SLC24A2: variants seen among roughly 807,000 people sequenced by gnomAD.
SLC24A2 encodes sodium/potassium/calcium exchanger 2.
A neutral mutation model predicts 62.0 loss-of-function variants in SLC24A2; 36 were observed. The observed-to-expected ratio is 0.58, with a 90% CI of 0.44 to 0.77. The LOEUF is 0.77. Ranked by LOEUF, SLC24A2 falls within the 30% of genes least tolerant of loss-of-function variation. The probability of loss-of-function intolerance (pLI) is 0.00; values close to 1 mark genes in which losing one functional copy is unlikely to be tolerated. For missense variants in SLC24A2, 846 were observed against 817.9 expected, an observed-to-expected ratio of 1.03 and a Z score of -0.42; for synonymous variants, 358 against 294.0, an observed-to-expected ratio of 1.22 and a Z score of -2.23.
chr9:20,144,282 A>T, the SLC24A2 span, among the ~76,000 whole-genome samples: 1 of 152,126 alleles, frequency 6.6e-6, no homozygotes, highest in African/African-American at 2.4e-5. Flanking sequence ...CTGTACAATA[A>T]TTTTTTTATG....
intron 2 of SLC24A2, among the ~76,000 whole-genome samples, chr9:19,714,331 C>A (rs1415887663): frequency 6.6e-6 from 1 of 152,140 alleles, no homozygotes; most frequent in African/African-American, 2.4e-5. Context: ...ACTCGCAGAA[C>A]CATAAAGGCA....
intron 2 of SLC24A2, among the ~76,000 whole-genome samples, chr9:19,698,854 T>C (rs1382394154): frequency 6.6e-6 from 1 of 152,196 alleles, no homozygotes; most frequent in East Asian, 1.9e-4. Context: ...TCTAGCACTT[T>C]GCTCACAAAG....
chr9:20,189,724 T>C, the SLC24A2 span, among the ~76,000 whole-genome samples: 1,299 of 152,328 alleles, frequency 8.5e-3, 9 homozygotes, highest in Middle Eastern at 0.024. Flanking sequence ...GCAGTTTCCT[T>C]GGTGTCCACA....
chr9:19,721,725 C>A (rs1821030349), intron 2 of SLC24A2, among the ~76,000 whole-genome samples: 1 of 152,110 alleles, frequency 6.6e-6, no homozygotes, highest in African/African-American at 2.4e-5. Context: ...GTTCTATGGT[C>A]CTCCTAAATT....
chr9:19,998,090 C>T, the SLC24A2 span, among the ~76,000 whole-genome samples: 5 of 152,166 alleles, frequency 3.3e-5, no homozygotes, highest in South Asian at 2.1e-4. Flanking sequence ...TACTCTGTGC[C>T]GGAAGCTGTG....
chr9:19,909,761 C>G, the SLC24A2 span, among the ~76,000 whole-genome samples: 27 of 152,150 alleles, frequency 1.8e-4, no homozygotes, highest in Admixed American at 3.3e-4. Context: ...AGACAGAAAA[C>G]CCTTCCTGCA....
the SLC24A2 span, among the ~76,000 whole-genome samples, chr9:20,080,815 A>G: frequency 6.6e-6 from 1 of 152,162 alleles, no homozygotes; most frequent in Non-Finnish European, 1.5e-5. Flanking sequence ...AAAGTGGGCG[A>G]AGGATATGAA....
the SLC24A2 span, among the ~76,000 whole-genome samples, chr9:20,110,726 AT>A: frequency 6.6e-6 from 1 of 152,204 alleles, no homozygotes; most frequent in South Asian, 2.1e-4. Flanking sequence ...AAGGAAAAAA[AT>A]GTTGATCCAA....
the SLC24A2 span, among the ~76,000 whole-genome samples, chr9:20,306,684 GTTATT>G: frequency 2.6e-5 from 4 of 152,180 alleles, no homozygotes; most frequent in East Asian, 7.7e-4. Flanking sequence ...AGTCCTTAAT[GTTATT>G]TTCTTTTTTT....
the SLC24A2 span, among the ~76,000 whole-genome samples, chr9:20,180,671 G>A: frequency 6.6e-6 from 1 of 152,080 alleles, no homozygotes; most frequent in Non-Finnish European, 1.5e-5. Flanking sequence ...TAAAGACTTG[G>A]GCATAAGTTT....
At chr9:19,641,139 C>G (rs1885224) in intron 2 of SLC24A2, among the ~76,000 whole-genome samples, 95,366 of 152,068 alleles carry the variant, frequency 0.63, 30,718 homozygotes, top group East Asian at 0.77. Context: ...AAGATGGTGG[C>G]CACTTCCCTG....
intron 7 of SLC24A2, among the ~76,000 whole-genome samples, chr9:19,552,160 C>A (rs1006259543): frequency 2.0e-5 from 3 of 152,150 alleles, no homozygotes; most frequent in Admixed American, 6.5e-5. Flanking sequence ...TTCTTTCTTC[C>A]ATCCTGAGGG....
intron 6 of SLC24A2, among the ~76,000 whole-genome samples, chr9:19,576,542 C>A (rs1563977828): frequency 1.3e-5 from 2 of 152,190 alleles, no homozygotes; most frequent in Admixed American, 6.5e-5. Flanking sequence ...AGGGGACTCT[C>A]ACCTTTGATT....
intron 2 of SLC24A2, among the ~76,000 whole-genome samples, chr9:19,653,880 A>G (rs921854499): frequency 6.6e-6 from 1 of 152,118 alleles, no homozygotes; most frequent in Admixed American, 6.5e-5. Context: ...GTGTTTTGTG[A>G]GTGATTCTAC....
chr9:19,747,116 TCTA>T (rs1269587969), intron 2 of SLC24A2, among the ~76,000 whole-genome samples: 1 of 152,078 alleles, frequency 6.6e-6, no homozygotes, highest in African/African-American at 2.4e-5. Flanking sequence ...CAACAATCAA[TCTA>T]CTACCTGATT....
chr9:19,601,062 C>G (rs1836827615), intron 4 of SLC24A2, among the ~76,000 whole-genome samples: 1 of 151,798 alleles, frequency 6.6e-6, no homozygotes, highest in African/African-American at 2.4e-5. Context: ...CTCTGTAGCT[C>G]CATTGTAAAA....
the SLC24A2 span, among the ~76,000 whole-genome samples, chr9:20,019,442 T>C: frequency 7.7e-4 from 117 of 152,308 alleles, no homozygotes; most frequent in East Asian, 0.021. Context: ...AGGGAATCCT[T>C]TCCCCATTGC....
At chr9:19,582,228 A>T (rs986466077) in intron 5 of SLC24A2, among the ~76,000 whole-genome samples, 3 of 152,186 alleles carry the variant, frequency 2.0e-5, no homozygotes, top group African/African-American at 4.8e-5. Flanking sequence ...ATAAAACAGA[A>T]GCTTCATGCT....
chr9:19,627,970 C>T (rs1277357938), intron 2 of SLC24A2, among the ~76,000 whole-genome samples: 2 of 152,152 alleles, frequency 1.3e-5, no homozygotes, highest in Non-Finnish European at 2.9e-5. Context: ...TTGTGCACTC[C>T]ACTGGAACAT....
Sources: allele counts gnomAD v4.1 joint callset (sites outside exome capture counted in the v4.1 genomes callset), GRCh38; gene constraint gnomAD v4.1.1; transcripts MANE v1.5; gene names NCBI Gene and HGNC (gene_info 2026-07-23, HGNC 2026-07-21).